SLC6A12: variants seen among roughly 807,000 people sequenced by gnomAD.
SLC6A12 encodes sodium- and chloride-dependent betaine transporter.
Under a neutral mutation model 73.3 loss-of-function variants are expected in SLC6A12, and 50 were observed. That is an observed-to-expected ratio of 0.68 (90% CI 0.54 to 0.86). The LOEUF (loss-of-function observed/expected upper bound fraction) is 0.86. Among genes scored for constraint, SLC6A12 ranks in the 40% least tolerant of loss-of-function variants. The pLI is 0.00. For missense variants in SLC6A12, 648 were observed against 772.8 expected (o/e 0.84, Z 1.92); for synonymous variants, 304 against 309.2 (o/e 0.98, Z 0.18).
At position 198,107 on chromosome 12, in the gene SLC6A12, G is replaced by A. The variant is rs887055942; in HGVS notation, c.847-104C>T. The A allele has an allele frequency of 5.9e-5, 51 of 861,054 alleles. No homozygotes were observed. Among genetic ancestry groups the A allele is most frequent in the Non-Finnish European group, 9.1e-5 (48 of 526,706 alleles). 53.3% of individuals were successfully genotyped at this position (861,054 alleles called of 1,614,324 possible). On this transcript the variant is annotated intron_variant, in intron 8 of 15. Coordinates refer to ENST00000684302, the MANE Select transcript of SLC6A12 (RefSeq NM_001122848.3). This position sits in a 1 kb window ranked among gnomAD's most constrained non-coding sequence, Gnocchi z 4.0. ...CCTGCAGCACCAGCCTGGCCCCTCA[G>A]TGCTCCCTGAGCGCTTCCCTCCTGC...
intron 3 of SLC6A12, 142 bp from the exon 4 acceptor site, chr12:204,840 C>G (rs539329023): frequency 3.5e-6 from 3 of 869,064 alleles, no homozygotes; most frequent in Non-Finnish European, 5.4e-6. Flanking sequence ...AGGGCCCACT[C>G]CTGCCTGCGT....
Position 192,491 on chromosome 12 carries a change from C to G in SLC6A12, c.1688G>C (p.Gly563Ala). The G allele has an allele frequency of 6.2e-7, 1 of 1,614,038 alleles. No individual in the cohort carries two copies. Among genetic ancestry groups the G allele is most frequent in the Non-Finnish European group, 8.5e-7 (1 of 1,179,970 alleles). The change falls in exon 15 of 16, where the codon GGT (glycine) becomes GCT (alanine). Residue 563 changes from glycine to alanine, a missense_variant. Gly to Ala is a moderately conservative substitution (Grantham distance 60). Transcript: ENST00000684302. ...FVVITLLKTR[G>A]PFRKRLRQLI... ...TACACCACCTACCTTCCTGAAAGGA[C>G]CCCGAGTCTTCAGGAGGGTGATGAC...
At chr12:200,274 A>G (rs1304711368) in intron 7 of SLC6A12, among the ~76,000 whole-genome samples, 1 of 150,620 alleles carries the variant, frequency 6.6e-6, no homozygotes, top group African/African-American at 2.5e-5. Flanking sequence ...ACGCCCGGCT[A>G]ATTTTTTGTA....
chr12:187,040 C>T (rs1035023648), downstream of SLC6A12, among the ~76,000 whole-genome samples: 1 of 152,312 alleles, frequency 6.6e-6, no homozygotes, highest in South Asian at 2.1e-4. Flanking sequence ...AACGCAAAAG[C>T]GAATATGTGA....
At position 191,093 on chromosome 12, in the gene SLC6A12, G is replaced by A. The variant is rs1474719673; in HGVS notation, c.1820C>T (p.Ala607Val). ...GPSPTREGLI[A>V]GEKETHL ...CTACAAATGGGTCTCCTTCTCCCCGGCTATCAGTCCTTCCCTTGTTGGGGA... is the reference window on the plus strand; with the variant it reads ...CTACAAATGGGTCTCCTTCTCCCCGACTATCAGTCCTTCCCTTGTTGGGGA... The change falls in exon 16 of 16, where the codon GCC becomes GTC. Residue 607 changes from alanine to valine, a missense_variant. Transcript: ENST00000684302. 1 of 1,337,662 alleles carries A rather than the reference G, an allele frequency of 7.5e-7. No homozygotes were observed. The highest frequency in any genetic ancestry group is 2.7e-5 in the South Asian group (1 of 37,428). 82.9% of individuals were successfully genotyped at this position (1,337,662 alleles called of 1,614,324 possible).
At chr12:203,032 A>T in intron 4 of SLC6A12, 152 bp from the exon 5 acceptor site, 1 of 413,562 alleles carries the variant, frequency 2.4e-6, no homozygotes, top group Non-Finnish European at 4.3e-6. Flanking sequence ...AGCCATTCAT[A>T]GCATATTTTT....
chr12:196,162 C>T lies in SLC6A12; in HGVS notation c.1288G>A (p.Val430Ile), dbSNP rs375791935. ...RRELLILTIA[V>I]MCYLIGLFLV... ...AAAAGCCCTATCAGGTAGCACATGA[C>T]GGCGATGGTGAGGATGAGGAGCTCG... is the stretch of plus-strand genomic sequence containing the variant. Residue 430 changes from valine (V) to isoleucine (I), a missense_variant, in exon 12 of 16, where the codon GTC becomes ATC. Val to Ile is a conservative substitution (Grantham distance 29). Transcript: ENST00000684302. 2.0e-5 allele frequency: 32 copies of T among 1,571,790 alleles called. No individual in the cohort carries two copies. The highest frequency in any genetic ancestry group is 1.7e-4 in the Middle Eastern group (1 of 5,716).
At chr12:188,935 G>A (rs920563191), downstream of SLC6A12, among the ~76,000 whole-genome samples, 1 of 152,214 alleles carries the variant, frequency 6.6e-6, no homozygotes, top group Admixed American at 6.5e-5. Flanking sequence ...ATGGAGGGAG[G>A]AGCTGTGGAC....
rs941474910 is a variant in SLC6A12, at chr12:193,265, G to A, written c.1530+12C>T. ...GCAGGAAGGAATAGAGGGGCAGCTGGTGGGCACATACCAGGCAAAGTCCAG... is the reference window on the plus strand; with the variant it reads ...GCAGGAAGGAATAGAGGGGCAGCTGATGGGCACATACCAGGCAAAGTCCAG... On this transcript the variant is annotated intron_variant, in intron 14 of 15. Transcript: ENST00000684302. 5.7e-6 allele frequency: 9 copies of A among 1,590,442 alleles called. No homozygotes were observed. In the African/African-American group the frequency reaches 1.1e-4, roughly 19 times the overall value.
At chr12:183,857 A>G in the SLC6A12 span, among the ~76,000 whole-genome samples, 2 of 152,118 alleles carry the variant, frequency 1.3e-5, no homozygotes, top group African/African-American at 2.4e-5. Flanking sequence ...ATGATTTTAC[A>G]AAATTCTACT....
At chr12:187,925 C>G (rs1363706054), downstream of SLC6A12, among the ~76,000 whole-genome samples, 1 of 152,148 alleles carries the variant, frequency 6.6e-6, no homozygotes, top group East Asian at 1.9e-4. Context: ...GAGCTAGACA[C>G]AGGGTGCTGA....
At chr12:195,904 C>T (rs1208438871) in intron 12 of SLC6A12, among the ~76,000 whole-genome samples, 1 of 152,212 alleles carries the variant, frequency 6.6e-6, no homozygotes, top group African/African-American at 2.4e-5. Context: ...CCAATACATT[C>T]CCCTTTCTGC....
At position 200,661 on chromosome 12, in the gene SLC6A12, G is replaced by A. The variant is rs748697803; in HGVS notation, c.701C>T (p.Ser234Phe). The stretch of plus-strand genomic sequence containing the variant: ...GGCAGGACATCTCACCTTGCCTGTG[G>A]ACTTGACCCCCTTCCAGATGCAGAA... ...CYFCIWKGVK[S>F]TGKVVYFTAT... The change falls in exon 7 of 16, where the codon TCC becomes TTC. Residue 234 changes from serine to phenylalanine, a missense_variant. Ser to Phe is a radical substitution (Grantham distance 155). Transcript: ENST00000684302. 3 of 1,614,100 alleles carry A rather than the reference G, an allele frequency of 1.9e-6. No homozygotes were observed. Among genetic ancestry groups the A allele is most frequent in the Admixed American group, 1.7e-5 (1 of 60,006 alleles).
chr12:208,617 G>C (rs556068062), intron 3 of SLC6A12, among the ~76,000 whole-genome samples: 1 of 152,254 alleles, frequency 6.6e-6, no homozygotes, highest in Admixed American at 6.5e-5. Context: ...CGCATTGAAC[G>C]ATTGTATTCC....
intron 7 of SLC6A12, chr12:199,665 C>T (rs1940108541): frequency 6.6e-6 from 1 of 152,216 alleles, no homozygotes; most frequent in African/African-American, 2.4e-5. Context: ...CGGGAACAGA[C>T]TCAGTGTATG....
At chr12:202,672 T>G in intron 5 of SLC6A12, 68 bp downstream of exon 5, 1 of 1,528,740 alleles carries the variant, frequency 6.5e-7, no homozygotes. Flanking sequence ...CCGTCGTTGC[T>G]TGGATTCACC....
the SLC6A12 span, among the ~76,000 whole-genome samples, chr12:184,579 T>A: frequency 6.6e-6 from 1 of 151,990 alleles, no homozygotes; most frequent in Non-Finnish European, 1.5e-5. Context: ...TGAAACCCCA[T>A]CTCTACTAAA....
chr12:197,128 T>TCTAC (rs1565468992), intron 10 of SLC6A12, among the ~76,000 whole-genome samples: 9 of 95,812 alleles, frequency 9.4e-5, no homozygotes, highest in African/African-American at 3.7e-4. Flanking sequence ...CATCCATCCA[T>TCTAC]CCATCCATCC....
intron 7 of SLC6A12, among the ~76,000 whole-genome samples, chr12:199,275 T>C (rs1030099412): frequency 2.6e-5 from 4 of 152,258 alleles, no homozygotes; most frequent in Admixed American, 2.6e-4. Context: ...TGTACATATT[T>C]ATGAAAAAGA....
Sources: gnomAD v4.1 joint callset for allele counts (sites outside exome capture counted in the v4.1 genomes callset) on GRCh38, gnomAD v4.1.1 for gene constraint, Gnocchi (gnomAD v3.1) non-coding constraint, MANE v1.5 for transcripts, NCBI Gene and HGNC (gene_info 2026-07-23, HGNC 2026-07-21) for gene names.